Variants in LINGO2 observed in about 807,000 individuals in gnomAD.
LINGO2 encodes the protein leucine rich repeat and Ig domain containing 2.
In LINGO2, 14 loss-of-function variants were observed where a neutral mutation model predicts 30.6. That is an observed-to-expected ratio of 0.46 (90% CI 0.30 to 0.72). The LOEUF (loss-of-function observed/expected upper bound fraction) is 0.72, where lower values mean the gene tolerates loss of function less well. Among genes scored for constraint, LINGO2 ranks in the 30% least tolerant of loss-of-function variants. The pLI is 0.07. For synonymous variants in LINGO2, 317 were observed against 288.5 expected, an observed-to-expected ratio of 1.10 and a Z score of -1.00; for missense variants, 729 against 751.7, an observed-to-expected ratio of 0.97 and a Z score of 0.35.
At chr9:29,121,334 C>T in the LINGO2 span, among the ~76,000 whole-genome samples, 2 of 152,072 alleles carry the variant, frequency 1.3e-5, no homozygotes, top group Non-Finnish European at 2.9e-5. Flanking sequence ...AAGAAATATA[C>T]ATATCCCTGC....
the LINGO2 span, among the ~76,000 whole-genome samples, chr9:29,152,988 A>G: frequency 4.3e-3 from 649 of 152,292 alleles, 8 homozygotes; most frequent in African/African-American, 0.015. Context: ...TTTTCCCTTT[A>G]TAAGGAAAGA....
intron 1 of LINGO2, among the ~76,000 whole-genome samples, chr9:28,608,596 C>T (rs777864325): frequency 3.3e-5 from 5 of 151,480 alleles, no homozygotes; most frequent in Admixed American, 6.6e-5. Context: ...TTTTGGTCCG[C>T]GCAAATTTTC....
the LINGO2 span, among the ~76,000 whole-genome samples, chr9:28,693,767 G>A: frequency 6.6e-6 from 1 of 152,058 alleles, no homozygotes; most frequent in Non-Finnish European, 1.5e-5. Context: ...TGGGGGGATG[G>A]TAGGTAGGAT....
intron 1 of LINGO2, among the ~76,000 whole-genome samples, chr9:28,541,896 C>CT (rs1821715355): frequency 6.6e-6 from 1 of 152,018 alleles, no homozygotes; most frequent in Admixed American, 6.6e-5. Context: ...ATCTTAGTAA[C>CT]TTAAGAGAGG....
At chr9:28,311,207 G>A (rs1264895181) in intron 3 of LINGO2, among the ~76,000 whole-genome samples, 1 of 151,920 alleles carries the variant, frequency 6.6e-6, no homozygotes, top group East Asian at 1.9e-4. Flanking sequence ...AGGGAGTGTG[G>A]GTCACAGAGA....
chr9:28,529,282 G>A (rs1408086814), intron 1 of LINGO2, among the ~76,000 whole-genome samples: 1 of 152,080 alleles, frequency 6.6e-6, no homozygotes, highest in Non-Finnish European at 1.5e-5. Flanking sequence ...CAGCATTAGT[G>A]AGACTATGAT....
At chr9:29,059,084 CAT>C in the LINGO2 span, among the ~76,000 whole-genome samples, 1 of 151,666 alleles carries the variant, frequency 6.6e-6, no homozygotes, top group South Asian at 2.1e-4. Context: ...TCTAACAAAA[CAT>C]ATGAGAGATT....
intron 1 of LINGO2, among the ~76,000 whole-genome samples, chr9:28,641,775 T>C (rs899186512): frequency 6.6e-6 from 1 of 152,164 alleles, no homozygotes; most frequent in African/African-American, 2.4e-5. Flanking sequence ...AAAAGGAAAC[T>C]ATGCATAAGG....
chr9:28,482,804 G>A (rs2135230618), intron 1 of LINGO2, among the ~76,000 whole-genome samples: 1 of 152,190 alleles, frequency 6.6e-6, no homozygotes, highest in African/African-American at 2.4e-5. Context: ...GTAGAAAGCT[G>A]AAACTGGATC....
the LINGO2 span, among the ~76,000 whole-genome samples, chr9:28,959,260 A>G: frequency 6.6e-6 from 1 of 152,152 alleles, no homozygotes. Flanking sequence ...AGAAGATGGG[A>G]GGAAGAAAAC....
chr9:29,194,367 T>G, the LINGO2 span, among the ~76,000 whole-genome samples: 1 of 152,298 alleles, frequency 6.6e-6, no homozygotes, highest in East Asian at 1.9e-4. Flanking sequence ...CTGCTATATA[T>G]AGACTCTCAT....
intron 5 of LINGO2, among the ~76,000 whole-genome samples, chr9:28,007,160 G>T (rs186440813): frequency 2.0e-5 from 3 of 152,224 alleles, no homozygotes; most frequent in Non-Finnish European, 4.4e-5. Flanking sequence ...AACAAACTCA[G>T]AGACAGTCAT....
At chr9:28,270,925 G>A (rs1175296921) in intron 4 of LINGO2, among the ~76,000 whole-genome samples, 1 of 152,006 alleles carries the variant, frequency 6.6e-6, no homozygotes, top group Non-Finnish European at 1.5e-5. Flanking sequence ...CTCAAACAGT[G>A]GGTGGCTGAG....
chr9:28,008,227 A>T (rs1822365245), intron 5 of LINGO2, among the ~76,000 whole-genome samples: 1 of 152,172 alleles, frequency 6.6e-6, no homozygotes, highest in South Asian at 2.1e-4. Context: ...TTAAAGTCTA[A>T]TATGATTCTC....
At chr9:29,168,563 G>C in the LINGO2 span, among the ~76,000 whole-genome samples, 1 of 152,252 alleles carries the variant, frequency 6.6e-6, no homozygotes, top group South Asian at 2.1e-4. Context: ...ATAAAGGAGA[G>C]AGCCTTATGT....
the LINGO2 span, among the ~76,000 whole-genome samples, chr9:28,937,644 C>T: frequency 9.8e-5 from 15 of 152,290 alleles, no homozygotes; most frequent in Non-Finnish European, 2.9e-5. Flanking sequence ...TGAGCAAGGG[C>T]AGCCTCATCC....
intron 4 of LINGO2, among the ~76,000 whole-genome samples, chr9:28,207,469 T>C (rs10968387): frequency 0.34 from 50,934 of 151,942 alleles, 9,579 homozygotes; most frequent in East Asian, 0.43. Flanking sequence ...AAAGGACCTG[T>C]TTCATTTCTT....
At chr9:28,473,484 C>G (rs1825609870) in intron 2 of LINGO2, among the ~76,000 whole-genome samples, 2 of 151,928 alleles carry the variant, frequency 1.3e-5, no homozygotes, top group African/African-American at 4.8e-5. Context: ...TCTATTCCCA[C>G]TACTGTAACA....
chr9:28,418,825 A>G (rs1183984578), intron 2 of LINGO2, among the ~76,000 whole-genome samples: 1 of 152,014 alleles, frequency 6.6e-6, no homozygotes, highest in Non-Finnish European at 1.5e-5. Context: ...AACATTTAAC[A>G]TAATCTTTAA....
Sources: allele counts gnomAD v4.1 joint callset (sites outside exome capture counted in the v4.1 genomes callset), GRCh38; gene constraint gnomAD v4.1.1; transcripts MANE v1.5; gene names NCBI Gene and HGNC (gene_info 2026-07-23, HGNC 2026-07-21).